Variants in C14orf180 observed in about 807,000 individuals in gnomAD.
C14orf180 encodes the protein chromosome 14 open reading frame 180, also known as nutritionally-regulated adipose and cardiac enriched protein homolog.
A neutral mutation model predicts 13.9 loss-of-function variants in C14orf180; 13 were observed. That is an observed-to-expected ratio of 0.94 (90% CI 0.61 to 1.49). C14orf180 has a LOEUF of 1.49. Among genes scored for constraint, C14orf180 ranks in the 40% most tolerant of loss-of-function variants. The probability of loss-of-function intolerance (pLI) is 0.00; values close to 1 mark genes in which losing one functional copy is unlikely to be tolerated. For synonymous variants in C14orf180, 113 were observed against 106.3 expected (o/e 1.06, Z -0.39); for missense variants, 238 against 232.0 (o/e 1.03, Z -0.17).
In C14orf180 at chr14:104,589,659, A is replaced by C. The variant is rs1886780269; in HGVS notation, c.*876A>C. ...CCCTACGTGGGGGGAGGGCTGAACA[A>C]AGCAGGGAGGCCCACGGTTAGACAC... On this transcript the variant is annotated 3_prime_UTR_variant, in exon 5 of 5. Transcript: ENST00000557649. This position sits in a 1 kb window ranked among gnomAD's most constrained non-coding sequence, Gnocchi z 4.9. 1 of 152,642 alleles carries C rather than the reference A, an allele frequency of 6.6e-6. No homozygotes were observed. Among genetic ancestry groups the C allele is most frequent in the Non-Finnish European group, 1.5e-5 (1 of 68,098 alleles). The allele number at this position is 152,642 out of a possible 1,614,324, so 9.5% of individuals were successfully genotyped here. A position where few individuals can be genotyped will look rare whatever the true frequency, so the allele number is the denominator to read the frequency against.
Position 104,587,752 on chromosome 14 carries a change from G to A in C14orf180, c.115G>A (p.Asp39Asn). The A allele has an allele frequency of 1.9e-6, 3 of 1,612,604 alleles. No homozygotes were observed. The highest frequency in any genetic ancestry group is 2.2e-5 in the East Asian group (1 of 44,862). Residue 39 changes from aspartate to asparagine, a missense_variant, in exon 3 of 5, where the codon GAC becomes AAC. Coordinates refer to ENST00000557649, the MANE Select transcript of C14orf180 (RefSeq NM_001008404.3). ...GPRVCRAERE[D>N]NRKCPPSILK... ...CTGCTTCCCGCCCCCACACCAGGAG[G>A]ACAACAGGAAGTGCCCCCCCTCCAT...
At chr14:104,582,023 C>T (rs1207743511) in intron 1 of C14orf180, among the ~76,000 whole-genome samples, 6 of 143,778 alleles carry the variant, frequency 4.2e-5, no homozygotes, top group Non-Finnish European at 8.8e-5. Context: ...GAGGAAGGAC[C>T]TCCCATGTGG....
Position 104,588,721 on chromosome 14 carries a change from G to A in C14orf180, c.421G>A (p.Gly141Ser), listed in dbSNP as rs1361534637. 45 of 1,535,746 alleles carry A rather than the reference G, an allele frequency of 2.9e-5. No homozygotes were observed. Among genetic ancestry groups the A allele is most frequent in the East Asian group, 7.3e-5 (3 of 40,892 alleles). ...ALEDLRARLL[G>S]LVLHLRHVAL... ...GGAGGACCTGCGGGCCCGGCTCCTC[G>A]GCCTTGTCCTGCACCTGCGGCACGT... Residue 141 changes from glycine to serine, a missense_variant, in exon 5 of 5, where the codon GGC (glycine) becomes AGC (serine). Coordinates refer to ENST00000557649, the MANE Select transcript of C14orf180 (RefSeq NM_001008404.3).
Position 104,587,478 on chromosome 14 carries a change from G to A in C14orf180, c.112-271G>A, listed in dbSNP as rs527353036. ...CCTGCATCCGAGACAGCGGGCAGAC[G>A]AAGAGAGGTTCAGTGGGGACTTGCG... On this transcript the variant is annotated intron_variant, in intron 2 of 4. Coordinates refer to ENST00000557649, the MANE Select transcript of C14orf180 (RefSeq NM_001008404.3). Among the ~76,000 whole-genome samples the A allele has an allele frequency of 2.0e-3, 302 of 152,296 alleles. 1 individual carries two copies. Among genetic ancestry groups the A allele is most frequent in the Admixed American group, 7.3e-3 (111 of 15,306 alleles).
rs1020960903 is a variant in C14orf180, at chr14:104,586,344, C to T, written c.-16-71C>T. On this transcript the variant is annotated intron_variant, in intron 1 of 4. Transcript: ENST00000557649. Reference sequence around the variant, plus strand: ...CTGGCTTCCAGGAAAGAATTTTCTCCTCCTCTTATTTTCATTCCTCTGAGT... The same window carrying T: ...CTGGCTTCCAGGAAAGAATTTTCTCTTCCTCTTATTTTCATTCCTCTGAGT... The T allele has an allele frequency of 2.8e-6, 3 of 1,069,110 alleles. No individual in the cohort carries two copies. The African/African-American group carries it at 5.0e-5, about 18-fold the overall frequency. The allele number at this position is 1,069,110 out of a possible 1,614,324, so 66.2% of individuals were successfully genotyped here.
At chr14:104,587,029 C>T (rs971360639) in intron 2 of C14orf180, among the ~76,000 whole-genome samples, 2 of 152,204 alleles carry the variant, frequency 1.3e-5, no homozygotes, top group Non-Finnish European at 2.9e-5. Context: ...GGGGCAGCCT[C>T]GCCAGATGCC....
rs1379155241 is a variant in C14orf180, at chr14:104,588,624, G to A, written c.324G>A (p.Leu108=). 7 of 1,500,778 alleles carry A rather than the reference G, an allele frequency of 4.7e-6. No homozygotes were observed. The South Asian group carries it at 6.3e-5, about 13-fold the overall frequency. 93.0% of individuals were successfully genotyped at this position (1,500,778 alleles called of 1,614,324 possible). ...RPHGGSLLLQ[L]CVCVLLVLAL... is the part of the protein sequence containing the mutation. ...ACGGCGGCTCCCTGCTCCTGCAGCT[G>A]TGTGTGTGCGTCCTGCTCGTGCTGG... Residue 108 remains leucine (L), a synonymous_variant, in exon 5 of 5, where the codon CTG becomes CTA. Coordinates refer to ENST00000557649, the MANE Select transcript of C14orf180 (RefSeq NM_001008404.3).
In C14orf180 at chr14:104,588,587, G is replaced by T. The variant is rs115845341; in HGVS notation, c.287G>T (p.Arg96Leu). The change falls in exon 5 of 5, where the codon CGG (arginine) becomes CTG (leucine). Residue 96 changes from arginine to leucine, a missense_variant. Coordinates refer to ENST00000557649, the MANE Select transcript of C14orf180 (RefSeq NM_001008404.3). ...TGCCCTCTGGCCGCAGTGCCCGGCCGGCCCAGGCCACACGGCGGCTCCCTG... is the reference window on the plus strand; with the variant it reads ...TGCCCTCTGGCCGCAGTGCCCGGCCTGCCCAGGCCACACGGCGGCTCCCTG... ...NATATVRVPG[R>L]PRPHGGSLLL... 1.4e-6 allele frequency: 2 copies of T among 1,449,090 alleles called. No individual in the cohort carries two copies. The highest frequency in any genetic ancestry group is 2.7e-5 in the Admixed American group (1 of 37,660). The allele number at this position is 1,449,090 out of a possible 1,614,324, so 89.8% of individuals were successfully genotyped here.
intron 1 of C14orf180, among the ~76,000 whole-genome samples, chr14:104,584,117 C>T (rs886190910): frequency 6.6e-6 from 1 of 152,230 alleles, no homozygotes; most frequent in Non-Finnish European, 1.5e-5. Flanking sequence ...GAGCTGCTGG[C>T]AGGAGCTGGG....
intron 1 of C14orf180, among the ~76,000 whole-genome samples, chr14:104,585,430 G>A (rs891667418): frequency 6.6e-6 from 1 of 152,246 alleles, no homozygotes; most frequent in Admixed American, 6.5e-5. Flanking sequence ...GTAGGGAGGA[G>A]TGCCCAAAAG....
chr14:104,583,564 G>A (rs1886511880), intron 1 of C14orf180, among the ~76,000 whole-genome samples: 1 of 152,072 alleles, frequency 6.6e-6, no homozygotes, highest in Non-Finnish European at 1.5e-5. Context: ...GGTCACACGT[G>A]GTCACACAAG....
At chr14:104,585,710 CAG>C (rs201446200) in intron 1 of C14orf180, among the ~76,000 whole-genome samples, 1 of 121,162 alleles carries the variant, frequency 8.3e-6, no homozygotes, top group East Asian at 2.9e-4. Context: ...GGCAGGGAGA[CAG>C]AGATGGAGAC....
At position 104,589,221 on chromosome 14, in the gene C14orf180, T is replaced by G; in HGVS notation, c.*438T>G. On this transcript the variant is annotated 3_prime_UTR_variant, in exon 5 of 5. Coordinates refer to ENST00000557649, the MANE Select transcript of C14orf180 (RefSeq NM_001008404.3). The surrounding 1 kb of genome is among the most constrained non-coding windows in gnomAD (Gnocchi z 4.9). ...GCTCGGAGGAGGCAAACCCAGCCTTTTGCGATTATGGCTTGTGGGGAATCC... is the reference window on the plus strand; with the variant it reads ...GCTCGGAGGAGGCAAACCCAGCCTTGTGCGATTATGGCTTGTGGGGAATCC... 1 of 278,886 alleles carries G rather than the reference T, an allele frequency of 3.6e-6. No homozygotes were observed. The highest frequency in any genetic ancestry group is 6.7e-6 in the Non-Finnish European group (1 of 150,306). 17.3% of individuals were successfully genotyped at this position (278,886 alleles called of 1,614,324 possible).
Position 104,588,766 on chromosome 14 carries a change from G to T in C14orf180, c.466G>T (p.Gly156Cys). 1 of 1,526,410 alleles carries T rather than the reference G, an allele frequency of 6.6e-7. No homozygotes were observed. The allele number at this position is 1,526,410 out of a possible 1,614,324, so 94.6% of individuals were successfully genotyped here. ...LRHVALTCWR[G>C]LLRL Reference sequence around the variant, plus strand: ...GCACGTGGCCCTCACCTGCTGGCGCGGCCTCCTGCGGCTCTGACGGGCAGG... The same window carrying T: ...GCACGTGGCCCTCACCTGCTGGCGCTGCCTCCTGCGGCTCTGACGGGCAGG... The change falls in exon 5 of 5, where the codon GGC becomes TGC. Residue 156 changes from glycine (G) to cysteine (C), a missense_variant. Physicochemically the swap from Gly to Cys is radical, Grantham distance 159 (BLOSUM62 -3). Transcript: ENST00000557649.
chr14:104,589,013 T>C lies in C14orf180; in HGVS notation c.*230T>C. Reference sequence around the variant, plus strand: ...CAGCACAGCCCTCCTGTCTCCTGTGTTGGGTCCATGTGAGATTTTATTAGA... The same window carrying C: ...CAGCACAGCCCTCCTGTCTCCTGTGCTGGGTCCATGTGAGATTTTATTAGA... On this transcript the variant is annotated 3_prime_UTR_variant, in exon 5 of 5. Coordinates refer to ENST00000557649, the MANE Select transcript of C14orf180 (RefSeq NM_001008404.3). This position sits in a 1 kb window ranked among gnomAD's most constrained non-coding sequence, Gnocchi z 4.9. 1 of 865,468 alleles carries C rather than the reference T, an allele frequency of 1.2e-6. No individual in the cohort carries two copies. Among genetic ancestry groups the C allele is most frequent in the East Asian group, 2.9e-5 (1 of 34,156 alleles). The allele number at this position is 865,468 out of a possible 1,614,324, so 53.6% of individuals were successfully genotyped here.
At chr14:104,580,810 T>A (rs1886407895) in intron 1 of C14orf180, among the ~76,000 whole-genome samples, 1 of 152,198 alleles carries the variant, frequency 6.6e-6, no homozygotes, top group Non-Finnish European at 1.5e-5. Flanking sequence ...CCATTCCACA[T>A]ATGGGAGGAA....
At chr14:104,585,994 C>G (rs895454783) in intron 1 of C14orf180, among the ~76,000 whole-genome samples, 1 of 152,330 alleles carries the variant, frequency 6.6e-6, no homozygotes, top group Non-Finnish European at 1.5e-5. Flanking sequence ...AGCCCCAGGG[C>G]TTCCCGCTAC....
At position 104,586,692 on chromosome 14, in the gene C14orf180, G is replaced by T. The variant is rs1432393564; in HGVS notation, c.111+151G>T. 9 of 318,312 alleles carry T rather than the reference G, an allele frequency of 2.8e-5. 2 individuals carry two copies. In the East Asian group the frequency reaches 4.9e-4, roughly 17 times the overall value. 19.7% of individuals were successfully genotyped at this position (318,312 alleles called of 1,614,324 possible). ...GGCAGGGGGATCACTGAGGGCTGGG[G>T]GGAGCAGCGGGGGGCAATGGGTGCC... On this transcript the variant is annotated intron_variant, in intron 2 of 4. Transcript: ENST00000557649.
rs1052404047 is a variant in C14orf180, at chr14:104,588,801, A to ACGGGCAGGG, written c.*20_*28dup. The ACGGGCAGGG allele has an allele frequency of 1.7e-6, 2 of 1,183,676 alleles. No individual in the cohort carries two copies. Among genetic ancestry groups the ACGGGCAGGG allele is most frequent in the African/African-American group, 4.4e-5 (2 of 45,052 alleles). The allele number at this position is 1,183,676 out of a possible 1,614,324, so 73.3% of individuals were successfully genotyped here. The stretch of plus-strand genomic sequence containing the variant: ...GGCTCTGACGGGCAGGACGGGCAGG[A>ACGGGCAGGG]CGGGCAGGGCTTCCAGGAGAGCTCA... On this transcript the variant is annotated 3_prime_UTR_variant, in exon 5 of 5. Transcript: ENST00000557649.
Sources: gnomAD v4.1 joint callset for allele counts (sites outside exome capture counted in the v4.1 genomes callset) on GRCh38, gnomAD v4.1.1 for gene constraint, Gnocchi (gnomAD v3.1) non-coding constraint, MANE v1.5 for transcripts, NCBI Gene and HGNC (gene_info 2026-07-23, HGNC 2026-07-21) for gene names.